The following DENND4A variants were observed in gnomAD, a reference collection of about 807,000 sequenced individuals.
The protein encoded by DENND4A is DENN domain containing 4A.
In DENND4A, 70 loss-of-function variants were observed where a neutral mutation model predicts 199.3. That is an observed-to-expected ratio of 0.35 (90% CI 0.29 to 0.43). The LOEUF is 0.43. DENND4A is among the 20% of genes least tolerant of loss of function. DENND4A has a pLI of 1.00. For synonymous variants in DENND4A, 686 were observed against 766.9 expected (o/e 0.89, Z 1.74); for missense variants, 1,723 against 2,255.8 (o/e 0.76, Z 4.78).
At chr15:65,737,176 C>T (rs1026415256) in intron 7 of DENND4A, among the ~76,000 whole-genome samples, 1 of 151,998 alleles carries the variant, frequency 6.6e-6, no homozygotes, top group African/African-American at 2.4e-5. Flanking sequence ...GACTCTTGTG[C>T]CTTGGCCTCC....
At position 65,702,938 on chromosome 15, in the gene DENND4A, T is replaced by C; in HGVS notation, c.2158A>G (p.Asn720Asp). Residue 720 changes from asparagine (N) to aspartate (D), a missense_variant, in exon 16 of 33, where the codon AAC becomes GAC. Transcript: ENST00000443035. ...RPEGFLQAKKNKLPSKSSSPN... is the reference protein window; with the variant it reads ...RPEGFLQAKKDKLPSKSSSPN... ...CTACTTGATTTTGAAGGCAATTTGT[T>C]CTTCTTTGCTTGTAGAAATCCTTCA... The C allele has an allele frequency of 6.2e-7, 1 of 1,613,254 alleles. No individual in the cohort carries two copies. Among genetic ancestry groups the C allele is most frequent in the Non-Finnish European group, 8.5e-7 (1 of 1,179,502 alleles).
intron 15 of DENND4A, 86 bp downstream of exon 15, chr15:65,706,005 G>A (rs2075037746): frequency 1.5e-6 from 2 of 1,376,588 alleles, no homozygotes; most frequent in Admixed American, 6.2e-5. Context: ...TTGGATTTTT[G>A]AAAATACCAC....
At chr15:65,682,021 T>G (rs1235452423) in intron 23 of DENND4A, among the ~76,000 whole-genome samples, 2 of 152,206 alleles carry the variant, frequency 1.3e-5, no homozygotes, top group African/African-American at 4.8e-5. Context: ...GTCATCCAGG[T>G]TTTTTGTTCC....
At position 65,720,947 on chromosome 15, in the gene DENND4A, TTATATATATATATATATATA is replaced by T. The variant is rs72498783; in HGVS notation, c.1588+1881_1588+1900del. Among the ~76,000 whole-genome samples, 27 of 76,266 alleles carry T rather than the reference TTATATATATATATATATATA, an allele frequency of 3.5e-4. 1 individual carries two copies. The highest frequency in any genetic ancestry group is 7.8e-4 in the South Asian group (2 of 2,562). The allele number at this position is 76,266 out of a possible 152,430, so 50.0% of individuals were successfully genotyped here. A position where few individuals can be genotyped will look rare whatever the true frequency, so the allele number is the denominator to read the frequency against. ...AAAGTTGAATGGGCTGTTTCATTGA[TTATATATATATATATATATA>T]TATATATATATATATTTGTACTTTT... On this transcript the variant is annotated intron_variant, in intron 12 of 32. Coordinates refer to ENST00000443035, the MANE Select transcript of DENND4A (RefSeq NM_001320835.1).
At chr15:65,746,927 C>A (rs566868550) in intron 4 of DENND4A, among the ~76,000 whole-genome samples, 1 of 148,630 alleles carries the variant, frequency 6.7e-6, no homozygotes, top group Non-Finnish European at 1.5e-5. Context: ...AAAACCCTGT[C>A]TCTACTAAAA....
At chr15:65,696,547 G>A (rs1295016857) in intron 21 of DENND4A, 50 bp from the exon 22 acceptor site, 1 of 1,399,722 alleles carries the variant, frequency 7.1e-7, no homozygotes, top group Non-Finnish European at 9.7e-7. Context: ...TATATACACT[G>A]TAGGAGGTAT....
In DENND4A at chr15:65,659,643, C is replaced by G. The variant is rs1319808739; in HGVS notation, c.*2208G>C. The G allele has an allele frequency of 2.0e-5, 3 of 152,056 alleles. No homozygotes were observed. Among genetic ancestry groups the G allele is most frequent in the Non-Finnish European group, 4.4e-5 (3 of 68,122 alleles). The allele number at this position is 152,056 out of a possible 1,614,324, so 9.4% of individuals were successfully genotyped here. The stretch of plus-strand genomic sequence containing the variant: ...CCTCCATGAGCAACCACGCCCAGCT[C>G]AAGAATGATTCACATTTTAATTTTC... On this transcript the variant is annotated 3_prime_UTR_variant, in exon 33 of 33. Coordinates refer to ENST00000443035, the MANE Select transcript of DENND4A (RefSeq NM_001320835.1).
chr15:65,715,736 T>G, intron 13 of DENND4A, 113 bp from the exon 14 acceptor site: 2 of 982,210 alleles, frequency 2.0e-6, no homozygotes, highest in Non-Finnish European at 2.9e-6. Context: ...CCCACACCAC[T>G]ACCATTTCGC....
intron 14 of DENND4A, among the ~76,000 whole-genome samples, chr15:65,713,311 T>A (rs1057124193): frequency 5.9e-5 from 9 of 152,236 alleles, no homozygotes; most frequent in African/African-American, 2.2e-4. Flanking sequence ...TCATTTAATA[T>A]GTGTTTGGTA....
Position 65,660,326 on chromosome 15 carries a change from G to A in DENND4A, c.*1525C>T. On this transcript the variant is annotated 3_prime_UTR_variant, in exon 33 of 33. Transcript: ENST00000443035. ...CAGCATGGTGCTATTCACTAATGGTGTGAACTCAAAAGGTGGGTTTTCTGC... is the reference window on the plus strand; with the variant it reads ...CAGCATGGTGCTATTCACTAATGGTATGAACTCAAAAGGTGGGTTTTCTGC... 1 of 1,533,814 alleles carries A rather than the reference G, an allele frequency of 6.5e-7. No homozygotes were observed. The highest frequency in any genetic ancestry group is 8.7e-7 in the Non-Finnish European group (1 of 1,145,450).
At chr15:65,667,766 C>A (rs987297782) in intron 28 of DENND4A, 63 bp from the exon 29 acceptor site, 12 of 1,535,762 alleles carry the variant, frequency 7.8e-6, no homozygotes, top group South Asian at 1.2e-5. Context: ...TTAAAAAATT[C>A]AATGATTCCC....
chr15:65,659,310 TGATA>T lies in DENND4A; in HGVS notation c.*2537_*2540del, dbSNP rs2075773938. ...TTTGTATAGAGTTATTTTAAATGATTGATATTTTCTGGTTTTTTTTTTTTTTTTT... is the reference window on the plus strand; with the variant it reads ...TTTGTATAGAGTTATTTTAAATGATTTTTTCTGGTTTTTTTTTTTTTTTTT... On this transcript the variant is annotated 3_prime_UTR_variant, in exon 33 of 33. Coordinates refer to ENST00000443035, the MANE Select transcript of DENND4A (RefSeq NM_001320835.1). 6.8e-6 allele frequency: 1 copy of T among 147,178 alleles called. No individual in the cohort carries two copies. Among genetic ancestry groups the T allele is most frequent in the South Asian group, 2.1e-4 (1 of 4,706 alleles). 9.1% of individuals were successfully genotyped at this position (147,178 alleles called of 1,614,324 possible). A position where few individuals can be genotyped will look rare whatever the true frequency, so the allele number is the denominator to read the frequency against.
chr15:65,791,094 G>C (rs571317364), intron 1 of DENND4A, among the ~76,000 whole-genome samples: 17 of 152,262 alleles, frequency 1.1e-4, no homozygotes, highest in African/African-American at 4.1e-4. Context: ...CATATTCACA[G>C]AGTAATACAA....
At chr15:65,771,352 C>T (rs2077119855) in intron 1 of DENND4A, 1 of 1,590,994 alleles carries the variant, frequency 6.3e-7, no homozygotes. Flanking sequence ...AATCTTCCTC[C>T]ACACTCTTTT....
chr15:65,741,690 G>C, intron 5 of DENND4A, 25 bp downstream of exon 5: 1 of 1,597,560 alleles, frequency 6.3e-7, no homozygotes, highest in Non-Finnish European at 8.6e-7. Flanking sequence ...TATATATGAA[G>C]TATTGCATGA....
chr15:65,743,204 T>C (rs2076304018), intron 4 of DENND4A, among the ~76,000 whole-genome samples: 2 of 152,106 alleles, frequency 1.3e-5, no homozygotes, highest in Non-Finnish European at 2.9e-5. Context: ...CTGTTCAAAA[T>C]CTCAGTCTCT....
At chr15:65,720,647 G>C (rs1235510059) in intron 12 of DENND4A, among the ~76,000 whole-genome samples, 1 of 140,204 alleles carries the variant, frequency 7.1e-6, no homozygotes, top group Non-Finnish European at 1.5e-5. Context: ...CCTGACCTCA[G>C]GTGATCCACC....
chr15:65,703,821 C>T (rs1193822482), intron 15 of DENND4A, among the ~76,000 whole-genome samples: 3 of 152,084 alleles, frequency 2.0e-5, no homozygotes, highest in Non-Finnish European at 2.9e-5. Flanking sequence ...CTAGCCTGGA[C>T]AACATAGTGA....
chr15:65,735,188 G>A (rs2076078837), intron 7 of DENND4A, among the ~76,000 whole-genome samples: 1 of 152,112 alleles, frequency 6.6e-6, no homozygotes, highest in South Asian at 2.1e-4. Flanking sequence ...GACCAGCCTG[G>A]CCAACAGGGT....
Sources: allele counts gnomAD v4.1 joint callset (sites outside exome capture counted in the v4.1 genomes callset), GRCh38; gene constraint gnomAD v4.1.1; transcripts MANE v1.5; gene names NCBI Gene and HGNC (gene_info 2026-07-23, HGNC 2026-07-21).